The following CHD7 variants were observed in gnomAD, a reference collection of about 807,000 sequenced individuals.
CHD7 encodes chromodomain helicase DNA binding protein 7.
A neutral mutation model predicts 307.3 loss-of-function variants in CHD7; 24 were observed. That is an observed-to-expected ratio of 0.08 (90% CI 0.06 to 0.11). CHD7 has a LOEUF of 0.11. CHD7 is among the 10% of genes least tolerant of loss of function. The pLI, the probability that CHD7 is intolerant of heterozygous loss-of-function variation, is 1.00. For missense variants in CHD7, 3,106 were observed against 3,727.1 expected, an observed-to-expected ratio of 0.83 and a Z score of 4.34; for synonymous variants, 1,363 against 1,349.9, an observed-to-expected ratio of 1.01 and a Z score of -0.21.
intron 1 of CHD7, among the ~76,000 whole-genome samples, chr8:60,738,250 A>C (rs1328874594): frequency 6.6e-6 from 1 of 152,246 alleles, no homozygotes; most frequent in Non-Finnish European, 1.5e-5. Flanking sequence ...CTCAATACCA[A>C]AATACGTAAA....
chr8:60,809,976 G>A (rs1812721169), intron 7 of CHD7, among the ~76,000 whole-genome samples: 1 of 152,194 alleles, frequency 6.6e-6, no homozygotes, highest in Non-Finnish European at 1.5e-5. Flanking sequence ...GTAAGGAAGA[G>A]CTTTACCCTC....
Position 60,829,757 on chromosome 8 carries a change from T to C in CHD7, c.3523-565T>C, listed in dbSNP as rs76857703. Among the ~76,000 whole-genome samples, 1,385 of 152,340 alleles carry C rather than the reference T, an allele frequency of 9.1e-3. 14 individuals carry two copies. Among genetic ancestry groups the C allele is most frequent in the Middle Eastern group, 0.02 (6 of 294 alleles). On this transcript the variant is annotated intron_variant, in intron 14 of 37. Coordinates refer to ENST00000423902, the MANE Select transcript of CHD7 (RefSeq NM_017780.4). ...GTGCCCCCTCCACTGACTTACTGTCTAAAACCTGTTAGCTCAGTTCAGAGT... is the reference window on the plus strand; with the variant it reads ...GTGCCCCCTCCACTGACTTACTGTCCAAAACCTGTTAGCTCAGTTCAGAGT...
intron 2 of CHD7, among the ~76,000 whole-genome samples, chr8:60,756,688 CTT>C (rs1809912969): frequency 6.6e-6 from 1 of 152,150 alleles, no homozygotes; most frequent in Non-Finnish European, 1.5e-5. Flanking sequence ...GAGACTGTCT[CTT>C]TTAAATGCAC....
At chr8:60,738,268 A>G (rs1040572667) in intron 1 of CHD7, among the ~76,000 whole-genome samples, 3 of 152,222 alleles carry the variant, frequency 2.0e-5, no homozygotes, top group African/African-American at 7.2e-5. Context: ...AAACTAGCTT[A>G]TTCATTTTTT....
intron 2 of CHD7, among the ~76,000 whole-genome samples, chr8:60,762,376 C>G (rs536857738): frequency 1.3e-5 from 2 of 152,276 alleles, no homozygotes; most frequent in South Asian, 4.2e-4. Flanking sequence ...GTCTCTGTTA[C>G]GATTATTGCT....
At chr8:60,698,487 A>G (rs1806600001) in intron 1 of CHD7, among the ~76,000 whole-genome samples, 1 of 152,218 alleles carries the variant, frequency 6.6e-6, no homozygotes, top group African/African-American at 2.4e-5. Context: ...CATAAAGGTT[A>G]GAGGCAAGGG....
At chr8:60,738,201 A>G (rs984448916) in intron 1 of CHD7, among the ~76,000 whole-genome samples, 22 of 152,204 alleles carry the variant, frequency 1.4e-4, no homozygotes, top group Admixed American at 5.2e-4. Context: ...AGGAATTGAG[A>G]TGTACTGTAA....
chr8:60,806,827 A>C (rs1023648341), intron 6 of CHD7, among the ~76,000 whole-genome samples: 1 of 152,064 alleles, frequency 6.6e-6, no homozygotes, highest in Admixed American at 6.5e-5. Context: ...ACATGGTGTA[A>C]AACCCAGCCT....
At chr8:60,736,513 T>C (rs748086599) in intron 1 of CHD7, among the ~76,000 whole-genome samples, 1 of 152,206 alleles carries the variant, frequency 6.6e-6, no homozygotes, top group Non-Finnish European at 1.5e-5. Flanking sequence ...TTTTTTTAGC[T>C]GCAAAATGCT....
At chr8:60,718,479 GAA>G (rs796436410) in intron 1 of CHD7, among the ~76,000 whole-genome samples, 1 of 109,000 alleles carries the variant, frequency 9.2e-6, no homozygotes. Context: ...CATCTCAAAA[GAA>G]AAAAAAAAAG....
intron 1 of CHD7, among the ~76,000 whole-genome samples, chr8:60,732,657 T>C (rs1243009117): frequency 6.6e-6 from 1 of 152,138 alleles, no homozygotes; most frequent in Non-Finnish European, 1.5e-5. Flanking sequence ...AACATGGTGT[T>C]ACTAGCCTTT....
intron 13 of CHD7, among the ~76,000 whole-genome samples, chr8:60,826,010 A>G (rs1282175394): frequency 6.6e-6 from 1 of 152,112 alleles, no homozygotes; most frequent in Non-Finnish European, 1.5e-5. Context: ...TCTTTGGGCT[A>G]TTTCAAAGAG....
At chr8:60,732,961 G>A (rs1238255659) in intron 1 of CHD7, among the ~76,000 whole-genome samples, 1 of 152,078 alleles carries the variant, frequency 6.6e-6, no homozygotes, top group African/African-American at 2.4e-5. Context: ...GAGACCTGGT[G>A]CAGTGGCTCA....
chr8:60,832,771 C>T (rs1804577455), intron 15 of CHD7, among the ~76,000 whole-genome samples: 1 of 152,122 alleles, frequency 6.6e-6, no homozygotes, highest in East Asian at 1.9e-4. Flanking sequence ...TGTTTTCCCC[C>T]AAAACACAGC....
chr8:60,755,068 C>A (rs1809826308), intron 2 of CHD7, among the ~76,000 whole-genome samples: 1 of 152,008 alleles, frequency 6.6e-6, no homozygotes, highest in Non-Finnish European at 1.5e-5. Flanking sequence ...GCACTGAAGG[C>A]CCTGTTGTGA....
At chr8:60,736,340 C>T (rs745691100) in intron 1 of CHD7, among the ~76,000 whole-genome samples, 5 of 152,134 alleles carry the variant, frequency 3.3e-5, no homozygotes, top group Non-Finnish European at 7.4e-5. Flanking sequence ...CAGGATCTAG[C>T]TGAAAGGACT....
chr8:60,852,037 A>G lies in CHD7; in HGVS notation c.5684A>G (p.Asn1895Ser), dbSNP rs762345019. ...TCCCCAGGCAAGCACAGTGAGAGTA[A>G]TGCTGAGTTAGGCCAACTTTACTGG... ...IHATGKHSES[N>S]AELGQLYWPN... is the part of the protein sequence containing the mutation. Residue 1895 changes from asparagine (N) to serine (S), a missense_variant, in exon 29 of 38, where the codon AAT becomes AGT. By Grantham distance (46) the Asn-to-Ser change is conservative. Transcript: ENST00000423902. 1 of 1,612,336 alleles carries G rather than the reference A, an allele frequency of 6.2e-7. No individual in the cohort carries two copies. The highest frequency in any genetic ancestry group is 8.5e-7 in the Non-Finnish European group (1 of 1,178,956).
intron 3 of CHD7, among the ~76,000 whole-genome samples, chr8:60,789,251 A>G (rs1811654471): frequency 6.6e-6 from 1 of 152,246 alleles, no homozygotes; most frequent in Non-Finnish European, 1.5e-5. Flanking sequence ...ATCCCATGCC[A>G]CAAAAACATC....
chr8:60,716,417 T>G (rs969716772), intron 1 of CHD7, among the ~76,000 whole-genome samples: 3 of 152,178 alleles, frequency 2.0e-5, no homozygotes, highest in South Asian at 2.1e-4. Flanking sequence ...ACACCACACT[T>G]TGTCCTTGCT....
Sources: gnomAD v4.1 joint callset for allele counts (sites outside exome capture counted in the v4.1 genomes callset) on GRCh38, gnomAD v4.1.1 for gene constraint, MANE v1.5 for transcripts, NCBI Gene and HGNC (gene_info 2026-07-23, HGNC 2026-07-21) for gene names.